The following SNX29 variants were observed in gnomAD, a reference collection of about 807,000 sequenced individuals.
SNX29 encodes sorting nexin 29.
A neutral mutation model predicts 102.1 loss-of-function variants in SNX29; 78 were observed. The ratio of observed to expected loss-of-function variants is 0.76; its 90% confidence interval spans 0.64 to 0.92. The LOEUF (loss-of-function observed/expected upper bound fraction) is 0.92, where lower values mean the gene tolerates loss of function less well. Ranked by LOEUF, SNX29 falls within the 40% of genes least tolerant of loss-of-function variation. The probability of loss-of-function intolerance (pLI) is 0.00; values close to 1 mark genes in which losing one functional copy is unlikely to be tolerated. For missense variants in SNX29, 1,280 were observed against 1,061.7 expected, an observed-to-expected ratio of 1.21 and a Z score of -2.86; for synonymous variants, 580 against 414.5, an observed-to-expected ratio of 1.40 and a Z score of -4.85.
intron 14 of SNX29, 73 bp from the exon 15 acceptor site, chr16:12,277,860 T>G: frequency 1.5e-5 from 21 of 1,358,676 alleles, no homozygotes; most frequent in Non-Finnish European, 2.2e-5. Flanking sequence ...AAGAAGAATT[T>G]TTTCTTTTTT....
intron 13 of SNX29, among the ~76,000 whole-genome samples, chr16:12,174,439 C>T (rs918148425): frequency 6.6e-6 from 1 of 152,160 alleles, no homozygotes; most frequent in African/African-American, 2.4e-5. Context: ...TTGACCTCTG[C>T]CCAAAGGAAA....
chr16:12,564,396 T>C (rs539676178), intron 20 of SNX29, among the ~76,000 whole-genome samples: 1 of 138,976 alleles, frequency 7.2e-6, no homozygotes, highest in South Asian at 2.2e-4. Context: ...TGCATAAATA[T>C]GCATCAATGA....
chr16:12,119,096 A>C (rs1211943123), intron 11 of SNX29, among the ~76,000 whole-genome samples: 1 of 152,204 alleles, frequency 6.6e-6, no homozygotes, highest in Non-Finnish European at 1.5e-5. Context: ...CTCAGTTTAC[A>C]GTGTTTAAAA....
At position 12,393,412 on chromosome 16, in the gene SNX29, G is replaced by GCATGCATGCATT. The variant is rs1555527354; in HGVS notation, c.1900-5031_1900-5030insGCATGCATTCAT. Among the ~76,000 whole-genome samples the GCATGCATGCATT allele has an allele frequency of 1.2e-4, 16 of 138,490 alleles. No individual in the cohort carries two copies. The East Asian group carries it at 1.2e-3, about 10-fold the overall frequency. The allele number at this position is 138,490 out of a possible 152,430, so 90.9% of individuals were successfully genotyped here. A position where few individuals can be genotyped will look rare whatever the true frequency, so the allele number is the denominator to read the frequency against. ...TTCATTCATGCATGCATGCATGCATGCATTCATTCATTCATTCATTCAGTG... is the reference window on the plus strand; with the variant it reads ...TTCATTCATGCATGCATGCATGCATGCATGCATGCATTCATTCATTCATTCATTCATTCAGTG... On this transcript the variant is annotated intron_variant, in intron 16 of 20. Transcript: ENST00000566228.
chr16:12,506,364 G>A (rs939476038), intron 19 of SNX29, among the ~76,000 whole-genome samples: 2 of 152,208 alleles, frequency 1.3e-5, no homozygotes, highest in African/African-American at 4.8e-5. Context: ...GGAGGGCGGA[G>A]TACTCTGTCC....
intron 20 of SNX29, among the ~76,000 whole-genome samples, chr16:12,559,411 C>G (rs139011612): frequency 2.4e-4 from 36 of 151,466 alleles, no homozygotes; most frequent in Non-Finnish European, 4.7e-4. Flanking sequence ...AAGGGACCAT[C>G]TAGTTGCAGG....
intron 20 of SNX29, among the ~76,000 whole-genome samples, chr16:12,548,607 G>A (rs890821280): frequency 6.6e-5 from 10 of 152,288 alleles, no homozygotes; most frequent in African/African-American, 1.9e-4. Flanking sequence ...CGGGTACTCT[G>A]TCCAAGCCCC....
chr16:12,444,536 C>G (rs1048014427), intron 18 of SNX29, among the ~76,000 whole-genome samples: 1 of 152,220 alleles, frequency 6.6e-6, no homozygotes, highest in Non-Finnish European at 1.5e-5. Context: ...TTCTTCTTTG[C>G]CTGAGCTGGA....
chr16:12,149,392 C>T (rs1225008700), intron 13 of SNX29, among the ~76,000 whole-genome samples: 1 of 152,312 alleles, frequency 6.6e-6, no homozygotes, highest in East Asian at 1.9e-4. Flanking sequence ...CACATTGTCA[C>T]TCCAAATAAA....
At chr16:11,982,423 G>GTTTTTTTTTTTTTTTTTTTT (rs60761477) in intron 1 of SNX29, among the ~76,000 whole-genome samples, 21 of 120,356 alleles carry the variant, frequency 1.7e-4, no homozygotes, top group Non-Finnish European at 1.9e-4. Flanking sequence ...CTTTCCATCA[G>GTTTTTTTTTTTTTTTTTTTT]TTTTTTTTTT....
chr16:12,521,986 G>A (rs1218098585), intron 19 of SNX29, among the ~76,000 whole-genome samples: 1 of 152,180 alleles, frequency 6.6e-6, no homozygotes. Flanking sequence ...CTGGAGGAAG[G>A]TCCCCCACCG....
At chr16:12,104,256 C>T (rs1334158860) in intron 11 of SNX29, among the ~76,000 whole-genome samples, 6 of 152,060 alleles carry the variant, frequency 3.9e-5, no homozygotes, top group Admixed American at 2.0e-4. Context: ...TTGAGGTCAG[C>T]GCTTTTAAAA....
At chr16:12,563,505 C>T (rs2078847967) in intron 20 of SNX29, among the ~76,000 whole-genome samples, 1 of 152,302 alleles carries the variant, frequency 6.6e-6, no homozygotes, top group African/African-American at 2.4e-5. Flanking sequence ...AACGGGGAGA[C>T]TCCTCCCCGC....
intron 15 of SNX29, among the ~76,000 whole-genome samples, chr16:12,336,514 T>C (rs1163729790): frequency 3.9e-5 from 6 of 152,218 alleles, no homozygotes; most frequent in Non-Finnish European, 7.3e-5. Flanking sequence ...AGAAAAGATA[T>C]TGGAATACTG....
At chr16:12,274,169 C>T (rs923942366) in intron 14 of SNX29, among the ~76,000 whole-genome samples, 4 of 152,212 alleles carry the variant, frequency 2.6e-5, no homozygotes, top group African/African-American at 9.7e-5. Context: ...CTGCCTCTCA[C>T]GTGGCTTGCC....
At chr16:12,215,135 C>T (rs927847669) in intron 14 of SNX29, among the ~76,000 whole-genome samples, 4 of 152,164 alleles carry the variant, frequency 2.6e-5, no homozygotes, top group African/African-American at 7.2e-5. Flanking sequence ...CTAACTGCTT[C>T]ATGGCAACTG....
chr16:12,201,032 T>A (rs1441819390), intron 14 of SNX29, among the ~76,000 whole-genome samples: 1 of 152,236 alleles, frequency 6.6e-6, no homozygotes, highest in Non-Finnish European at 1.5e-5. Flanking sequence ...AGTAATAGTA[T>A]AAAGATGTGA....
At chr16:12,408,538 C>T (rs557275278) in intron 18 of SNX29, among the ~76,000 whole-genome samples, 65 of 152,334 alleles carry the variant, frequency 4.3e-4, no homozygotes, top group Middle Eastern at 3.4e-3. Flanking sequence ...AAAAGTCCTC[C>T]GGCCAGGTGC....
chr16:12,318,040 G>T (rs1053334056), intron 15 of SNX29, among the ~76,000 whole-genome samples: 1 of 152,262 alleles, frequency 6.6e-6, no homozygotes, highest in African/African-American at 2.4e-5. Context: ...CTGACCTTGT[G>T]TTCGGCCCCA....
Sources: gnomAD v4.1 joint callset for allele counts (sites outside exome capture counted in the v4.1 genomes callset) on GRCh38, gnomAD v4.1.1 for gene constraint, MANE v1.5 for transcripts, NCBI Gene and HGNC (gene_info 2026-07-23, HGNC 2026-07-21) for gene names.